Variants in MTSS1 observed in about 807,000 individuals in gnomAD.
The protein encoded by MTSS1 is MTSS I-BAR domain containing 1.
A neutral mutation model predicts 79.0 loss-of-function variants in MTSS1; 18 were observed. That is an observed-to-expected ratio of 0.23 (90% CI 0.16 to 0.34). The LOEUF is 0.34. Among genes scored for constraint, MTSS1 ranks in the 10% least tolerant of loss-of-function variants. The pLI is 1.00. For synonymous variants in MTSS1, 341 were observed against 368.6 expected (o/e 0.93, Z 0.86); for missense variants, 815 against 986.2 (o/e 0.83, Z 2.33).
intron 3 of MTSS1, among the ~76,000 whole-genome samples, chr8:124,623,780 C>T (rs1170531725): frequency 6.6e-6 from 1 of 152,196 alleles, no homozygotes; most frequent in East Asian, 1.9e-4. Context: ...CCCGGGACTA[C>T]AGGCCCACAC....
intron 3 of MTSS1, among the ~76,000 whole-genome samples, chr8:124,607,479 T>C (rs1563847653): frequency 6.6e-6 from 1 of 152,180 alleles, no homozygotes; most frequent in Admixed American, 6.5e-5. Flanking sequence ...ACAGAGTTTT[T>C]AAAAAAGGAA....
At chr8:124,606,666 A>C (rs1834937362) in intron 3 of MTSS1, among the ~76,000 whole-genome samples, 2 of 148,170 alleles carry the variant, frequency 1.3e-5, no homozygotes, top group African/African-American at 2.5e-5. Flanking sequence ...TTCTTCCCCC[A>C]CCCCCGATCC....
intron 3 of MTSS1, among the ~76,000 whole-genome samples, chr8:124,594,139 C>T (rs1196922356): frequency 1.3e-5 from 2 of 152,196 alleles, no homozygotes; most frequent in East Asian, 3.8e-4. Flanking sequence ...GCCCCCACTC[C>T]GTTTCTCTGC....
intron 3 of MTSS1, among the ~76,000 whole-genome samples, chr8:124,697,668 G>C (rs1829066404): frequency 6.6e-6 from 1 of 152,074 alleles, no homozygotes; most frequent in African/African-American, 2.4e-5. Context: ...TGCTGAAGTA[G>C]AAGAAAATAT....
At chr8:124,571,702 A>G (rs970749007) in intron 6 of MTSS1, among the ~76,000 whole-genome samples, 1 of 152,254 alleles carries the variant, frequency 6.6e-6, no homozygotes, top group South Asian at 2.1e-4. Flanking sequence ...ACGGTGGCTC[A>G]TGCTTCTAAT....
intron 6 of MTSS1, among the ~76,000 whole-genome samples, chr8:124,574,921 C>A (rs67077163): frequency 0.068 from 10,279 of 152,168 alleles, 446 homozygotes; most frequent in East Asian, 0.18. Context: ...TTACACCTCA[C>A]CAATCAGGGT....
rs540779094 is a variant in MTSS1 at position 124,552,399 on chromosome 8, C to G, written c.*593G>C. 4 of 154,014 alleles carry G rather than the reference C, an allele frequency of 2.6e-5. No homozygotes were observed. The highest frequency in any genetic ancestry group is 1.9e-4 in the East Asian group (1 of 5,206). 9.5% of individuals were successfully genotyped at this position (154,014 alleles called of 1,614,324 possible). A position where few individuals can be genotyped will look rare whatever the true frequency, so the allele number is the denominator to read the frequency against. On this transcript the variant is annotated 3_prime_UTR_variant, in exon 14 of 14. Transcript: ENST00000518547. The stretch of plus-strand genomic sequence containing the variant: ...ATGTACCCCTCCCATGGCCCTCCCC[C>G]CAATCCCAACACAGTCTACCATTTC...
At chr8:124,613,276 TTC>T (rs1462200132) in intron 3 of MTSS1, among the ~76,000 whole-genome samples, 1 of 152,234 alleles carries the variant, frequency 6.6e-6, no homozygotes, top group Non-Finnish European at 1.5e-5. Flanking sequence ...GAATCTTTGT[TTC>T]TTCATCCAAC....
At chr8:124,641,415 G>A (rs1013642801) in intron 3 of MTSS1, among the ~76,000 whole-genome samples, 2 of 152,202 alleles carry the variant, frequency 1.3e-5, no homozygotes, top group African/African-American at 4.8e-5. Flanking sequence ...TAGTCCCAGG[G>A]TCTCTCTGAG....
At chr8:124,558,943 C>A in intron 10 of MTSS1, 2 of 1,363,962 alleles carry the variant, frequency 1.5e-6, no homozygotes, top group Non-Finnish European at 1.9e-6. Flanking sequence ...AGGGCACACA[C>A]AGAGAGAAAG....
intron 3 of MTSS1, among the ~76,000 whole-genome samples, chr8:124,633,015 A>G (rs1453412987): frequency 1.3e-5 from 2 of 152,210 alleles, no homozygotes; most frequent in Non-Finnish European, 1.5e-5. Flanking sequence ...TAAGGTCAGT[A>G]AAAAATAAGG....
At chr8:124,713,076 G>A (rs1274988268) in intron 1 of MTSS1, among the ~76,000 whole-genome samples, 1 of 152,138 alleles carries the variant, frequency 6.6e-6, no homozygotes, top group Non-Finnish European at 1.5e-5. Context: ...GTCCAACAGG[G>A]GAGCCCCACA....
Position 124,582,622 on chromosome 8 carries a change from CA to C in MTSS1, c.460+2464del, listed in dbSNP as rs371565145. Among the ~76,000 whole-genome samples, 941 of 144,098 alleles carry C rather than the reference CA, an allele frequency of 6.5e-3. 6 individuals carry two copies. The highest frequency in any genetic ancestry group is 0.02 in the African/African-American group (771 of 39,210). The allele number at this position is 144,098 out of a possible 152,430, so 94.5% of individuals were successfully genotyped here. Reference sequence around the variant, plus strand: ...ATACATCAGATTCCGTCTATCAGGACAAAAAAAAAAATGTATCCAAAACCTT... The same window carrying C: ...ATACATCAGATTCCGTCTATCAGGACAAAAAAAAAATGTATCCAAAACCTT... On this transcript the variant is annotated intron_variant, in intron 6 of 13. Coordinates refer to ENST00000518547, the MANE Select transcript of MTSS1 (RefSeq NM_014751.6). This position sits in a 1 kb window ranked among gnomAD's most constrained non-coding sequence, Gnocchi z 4.8.
intron 3 of MTSS1, among the ~76,000 whole-genome samples, chr8:124,642,456 C>A (rs909965148): frequency 6.6e-6 from 1 of 152,202 alleles, no homozygotes; most frequent in Non-Finnish European, 1.5e-5. Context: ...AATCACCCAC[C>A]TTAAGTCCAA....
chr8:124,600,058 A>C (rs1021311854), intron 3 of MTSS1, among the ~76,000 whole-genome samples: 13 of 142,072 alleles, frequency 9.2e-5, no homozygotes, highest in African/African-American at 3.8e-4. Flanking sequence ...AAAAAAACAA[A>C]AAAAAAACCA....
chr8:124,680,508 G>A (rs1470045910), intron 3 of MTSS1, among the ~76,000 whole-genome samples: 1 of 152,188 alleles, frequency 6.6e-6, no homozygotes, highest in African/African-American at 2.4e-5. Context: ...AAGGTGGAAA[G>A]GATTATAGGA....
chr8:124,714,460 T>C (rs1403873268), intron 1 of MTSS1, among the ~76,000 whole-genome samples: 1 of 151,916 alleles, frequency 6.6e-6, no homozygotes, highest in Non-Finnish European at 1.5e-5. Context: ...GCTCAGTTGT[T>C]TTTGTTTTTG....
At chr8:124,623,003 A>G (rs1813908346) in intron 3 of MTSS1, among the ~76,000 whole-genome samples, 1 of 152,202 alleles carries the variant, frequency 6.6e-6, no homozygotes, top group African/African-American at 2.4e-5. Context: ...CCTGTGTAAC[A>G]GTAAGAACGA....
At chr8:124,661,084 G>A (rs762544772) in intron 3 of MTSS1, among the ~76,000 whole-genome samples, 3 of 152,236 alleles carry the variant, frequency 2.0e-5, no homozygotes, top group Non-Finnish European at 4.4e-5. Flanking sequence ...AGATGCCAGA[G>A]GGCAGTGGGA....
Sources: gnomAD v4.1 joint callset for allele counts (sites outside exome capture counted in the v4.1 genomes callset) on GRCh38, gnomAD v4.1.1 for gene constraint, Gnocchi (gnomAD v3.1) non-coding constraint, MANE v1.5 for transcripts, NCBI Gene and HGNC (gene_info 2026-07-23, HGNC 2026-07-21) for gene names.